Variants in LIPI observed in about 807,000 individuals in gnomAD.
LIPI encodes the protein lipase I.
Under a neutral mutation model 50.6 loss-of-function variants are expected in LIPI, and 59 were observed. The ratio of observed to expected loss-of-function variants is 1.16; its 90% CI spans 0.94 to 1.45. The LOEUF (loss-of-function observed/expected upper bound fraction) is 1.45. Ranked by LOEUF, LIPI falls within the 40% of genes most tolerant of loss-of-function variation. The probability of loss-of-function intolerance (pLI) is 0.00; values close to 1 mark genes in which losing one functional copy is unlikely to be tolerated. For missense variants in LIPI, 586 were observed against 536.3 expected (o/e 1.09, Z -0.92); for synonymous variants, 203 against 178.2 (o/e 1.14, Z -1.11).
intron 9 of LIPI, among the ~76,000 whole-genome samples, chr21:14,118,296 A>G (rs1185993692): frequency 6.6e-6 from 1 of 152,136 alleles, no homozygotes; most frequent in Non-Finnish European, 1.5e-5. Flanking sequence ...AATAGACTTT[A>G]TGGTAGACAC....
intron 1 of LIPI, among the ~76,000 whole-genome samples, chr21:14,207,646 C>T (rs976722032): frequency 6.6e-6 from 1 of 151,986 alleles, no homozygotes; most frequent in Admixed American, 6.6e-5. Flanking sequence ...TTTCCTGGGG[C>T]CAACCCCAGA....
At position 14,185,212 on chromosome 21, in the gene LIPI, C is replaced by T. The variant is rs139499464; in HGVS notation, c.541+749G>A. 4.7e-3 allele frequency among the ~76,000 whole-genome samples: 721 copies of T among 152,204 alleles called. 4 individuals carry two copies. The highest frequency in any genetic ancestry group is 7.5e-3 in the South Asian group (36 of 4,816). On this transcript the variant is annotated intron_variant, in intron 3 of 9. Coordinates refer to ENST00000681601, the MANE Select transcript of LIPI (RefSeq NM_001302998.2). ...TTTGTTATAGAAATATGAAGGGGGA[C>T]CCAGAGTCCCTCAAATTGGATGCAA...
intron 8 of LIPI, among the ~76,000 whole-genome samples, chr21:14,148,066 T>A (rs1436298099): frequency 6.6e-6 from 1 of 152,138 alleles, no homozygotes; most frequent in Non-Finnish European, 1.5e-5. Flanking sequence ...TCTGGTCCAA[T>A]GAATCATTAG....
chr21:14,206,914 T>C, intron 1 of LIPI: 1 of 1,604,160 alleles, frequency 6.2e-7, no homozygotes, highest in Non-Finnish European at 8.5e-7. Flanking sequence ...TGTAAACATT[T>C]GAGCAACATA....
chr21:14,133,690 T>C (rs541849949), intron 9 of LIPI, among the ~76,000 whole-genome samples: 111 of 152,264 alleles, frequency 7.3e-4, no homozygotes, highest in African/African-American at 2.6e-3. Flanking sequence ...TAAAATTATC[T>C]CTGTTTGCTG....
At chr21:14,119,695 G>A (rs886484014) in intron 9 of LIPI, among the ~76,000 whole-genome samples, 1 of 152,162 alleles carries the variant, frequency 6.6e-6, no homozygotes, top group Non-Finnish European at 1.5e-5. Context: ...CATGACAAAG[G>A]CCTTTTACCT....
At chr21:14,206,889 T>C in intron 1 of LIPI, 1 of 1,612,438 alleles carries the variant, frequency 6.2e-7, no homozygotes, top group Non-Finnish European at 8.5e-7. Flanking sequence ...ACTATATTTT[T>C]GGCACAAGTT....
At chr21:14,118,226 G>A (rs1054498918) in intron 9 of LIPI, among the ~76,000 whole-genome samples, 13 of 152,026 alleles carry the variant, frequency 8.6e-5, no homozygotes, top group East Asian at 3.9e-4. Context: ...GAGACAGATC[G>A]GGCTCCATCT....
At position 14,159,281 on chromosome 21, in the gene LIPI, A is replaced by G. The variant is rs78616841; in HGVS notation, c.1006+4138T>C. Among the ~76,000 whole-genome samples the G allele has an allele frequency of 9.3e-3, 1,415 of 151,646 alleles. 25 individuals carry two copies. Among genetic ancestry groups the G allele is most frequent in the African/African-American group, 0.033 (1,355 of 41,520 alleles). On this transcript the variant is annotated intron_variant, in intron 7 of 9. Transcript: ENST00000681601. ...AAATATTAACGAATGAAATTCAACA[A>G]TGTATTTTAAAATACGCACTAAGCC...
intron 1 of LIPI, among the ~76,000 whole-genome samples, chr21:14,190,747 A>G (rs138310088): frequency 1.3e-4 from 20 of 152,336 alleles, no homozygotes; most frequent in African/African-American, 4.6e-4. Flanking sequence ...ATATATTGAA[A>G]CACAATACAA....
intron 9 of LIPI, among the ~76,000 whole-genome samples, chr21:14,128,367 C>T (rs2122981515): frequency 6.6e-6 from 1 of 152,020 alleles, no homozygotes; most frequent in East Asian, 1.9e-4. Flanking sequence ...AAAACAAGGA[C>T]AAATTAAAAA....
At chr21:14,173,815 A>G (rs998516056) in intron 4 of LIPI, among the ~76,000 whole-genome samples, 1 of 150,656 alleles carries the variant, frequency 6.6e-6, no homozygotes, top group Non-Finnish European at 1.5e-5. Flanking sequence ...GGAAAGACAA[A>G]GGACAATGTA....
At chr21:14,142,629 C>T (rs143406488) in intron 9 of LIPI, among the ~76,000 whole-genome samples, 360 of 151,268 alleles carry the variant, frequency 2.4e-3, no homozygotes, top group Middle Eastern at 0.01. Flanking sequence ...ACTACAGGCA[C>T]GCACCATCAT....
intron 4 of LIPI, among the ~76,000 whole-genome samples, chr21:14,171,471 C>G (rs921883461): frequency 6.6e-6 from 1 of 151,022 alleles, no homozygotes; most frequent in African/African-American, 2.4e-5. Context: ...AACTATACTA[C>G]AAGGCTACAG....
chr21:14,168,382 C>T lies in LIPI; in HGVS notation c.644-1931G>A, dbSNP rs1462013189. ...CAGAGAACTCCACAAAGATACTCCT[C>T]GAGAAGAGCAACTCCAAGACACACA... On this transcript the variant is annotated intron_variant, in intron 4 of 9. Transcript: ENST00000681601. Among the ~76,000 whole-genome samples the T allele has an allele frequency of 7.9e-5, 12 of 152,176 alleles. No individual in the cohort carries two copies. The South Asian group carries it at 2.3e-3, about 29-fold the overall frequency.
chr21:14,182,728 G>C (rs1000483153), intron 3 of LIPI, among the ~76,000 whole-genome samples: 3 of 148,312 alleles, frequency 2.0e-5, no homozygotes, highest in Admixed American at 1.4e-4. Context: ...ACAAACAAAT[G>C]GCATTCACAG....
chr21:14,141,714 G>A (rs540292903), intron 9 of LIPI, among the ~76,000 whole-genome samples: 2 of 152,306 alleles, frequency 1.3e-5, no homozygotes, highest in African/African-American at 4.8e-5. Context: ...CATGTACACA[G>A]AGGGTGGATT....
intron 9 of LIPI, chr21:14,143,873 T>A (rs1475679446): frequency 6.5e-6 from 1 of 154,422 alleles, no homozygotes; most frequent in Non-Finnish European, 1.5e-5. Context: ...GAAGAGCATA[T>A]GAAATGTCAT....
At chr21:14,192,181 T>TA (rs1468675820) in intron 1 of LIPI, among the ~76,000 whole-genome samples, 9 of 152,186 alleles carry the variant, frequency 5.9e-5, no homozygotes, top group African/African-American at 2.2e-4. Flanking sequence ...CATCAAATGA[T>TA]ACAGTGGGCA....
Sources: gnomAD v4.1 joint callset for allele counts (sites outside exome capture counted in the v4.1 genomes callset) on GRCh38, gnomAD v4.1.1 for gene constraint, MANE v1.5 for transcripts, NCBI Gene and HGNC (gene_info 2026-07-23, HGNC 2026-07-21) for gene names.